The following OPN3 variants were observed in gnomAD, a reference collection of about 807,000 sequenced individuals.
OPN3 encodes opsin 3, also known as opsin-3.
In OPN3, 29 loss-of-function variants were observed where a neutral mutation model predicts 33.8. That is an observed-to-expected ratio of 0.86 (90% CI 0.64 to 1.17). The LOEUF is 1.17. OPN3 is among the 50% of genes most tolerant of loss of function. The pLI, the probability that OPN3 is intolerant of heterozygous loss-of-function variation, is 0.00. For missense variants in OPN3, 437 were observed against 514.1 expected (o/e 0.85, Z 1.45); for synonymous variants, 216 against 216.1 (o/e 1.00, Z 0.00).
At chr1:241,605,681 A>C (rs1203952011) in intron 1 of OPN3, among the ~76,000 whole-genome samples, 1 of 152,208 alleles carries the variant, frequency 6.6e-6, no homozygotes, top group Non-Finnish European at 1.5e-5. Flanking sequence ...CACACAATGG[A>C]TTGGAGACAC....
intron 1 of OPN3, chr1:241,634,841 T>G: frequency 6.2e-7 from 1 of 1,612,324 alleles, no homozygotes; most frequent in South Asian, 1.1e-5. Flanking sequence ...ATCAGGATGT[T>G]GTTCATACTC....
chr1:241,606,179 C>T (rs1167217333), intron 1 of OPN3, among the ~76,000 whole-genome samples: 2 of 152,164 alleles, frequency 1.3e-5, no homozygotes, highest in African/African-American at 4.8e-5. Context: ...AAACATTTAG[C>T]AACTGGTATC....
Position 241,594,218 on chromosome 1 carries a change from C to G in OPN3, c.*210G>C. On this transcript the variant is annotated 3_prime_UTR_variant, in exon 4 of 4. Transcript: ENST00000366554. ...CATCGTGTGCCACAAGTGGTTTTTT[C>G]ATTATGTAAAGCACCCGTTGAATTA... The G allele has an allele frequency of 2.2e-6, 1 of 462,908 alleles. No individual in the cohort carries two copies. The allele number at this position is 462,908 out of a possible 1,614,324, so 28.7% of individuals were successfully genotyped here.
chr1:241,634,265 C>A (rs766680773), intron 1 of OPN3: 8 of 1,613,824 alleles, frequency 5.0e-6, no homozygotes, highest in African/African-American at 1.3e-5. Context: ...GTCCTTCATG[C>A]ATGTCATGGT....
chr1:241,629,194 A>G (rs924222811), intron 1 of OPN3: 1 of 152,260 alleles, frequency 6.6e-6, no homozygotes, highest in African/African-American at 2.4e-5. Context: ...ACTGCTAGAA[A>G]ACTTTGTACA....
At chr1:241,627,538 T>C (rs953880954) in intron 1 of OPN3, among the ~76,000 whole-genome samples, 4 of 152,146 alleles carry the variant, frequency 2.6e-5, no homozygotes, top group African/African-American at 9.7e-5. Context: ...CATAAGAAAA[T>C]GTAGTTGTCA....
At chr1:241,605,113 A>G (rs1663793729) in intron 1 of OPN3, among the ~76,000 whole-genome samples, 1 of 152,058 alleles carries the variant, frequency 6.6e-6, no homozygotes, top group Admixed American at 6.6e-5. Context: ...TTAAAAAAAG[A>G]TTAGACAAAA....
intron 1 of OPN3, among the ~76,000 whole-genome samples, chr1:241,624,211 C>T (rs546978786): frequency 3.3e-5 from 4 of 121,674 alleles, no homozygotes; most frequent in East Asian, 4.6e-4. Context: ...ATGCTCCAGA[C>T]ACTGTGGACC....
chr1:241,618,797 A>G (rs1664200973), intron 1 of OPN3, among the ~76,000 whole-genome samples: 1 of 150,428 alleles, frequency 6.6e-6, no homozygotes, highest in African/African-American at 2.4e-5. Flanking sequence ...ACTTTCATGT[A>G]TATGCCAGGT....
At chr1:241,606,551 A>AAATC (rs1428868538) in intron 1 of OPN3, among the ~76,000 whole-genome samples, 4 of 50,318 alleles carry the variant, frequency 7.9e-5, no homozygotes, top group Non-Finnish European at 1.8e-4. Flanking sequence ...GATTCAAAAT[A>AAATC]AATAAATAAA....
intron 1 of OPN3, among the ~76,000 whole-genome samples, chr1:241,636,296 G>A (rs1018654720): frequency 1.3e-5 from 2 of 152,104 alleles, no homozygotes; most frequent in Admixed American, 6.6e-5. Flanking sequence ...AATAGAGAAT[G>A]AACATAATGT....
intron 1 of OPN3, among the ~76,000 whole-genome samples, chr1:241,609,276 G>A (rs758601191): frequency 2.6e-5 from 4 of 152,180 alleles, no homozygotes; most frequent in African/African-American, 4.8e-5. Flanking sequence ...CATATGATAT[G>A]CACTCTTTTG....
At chr1:241,616,040 C>T in intron 1 of OPN3, 1 of 447,036 alleles carries the variant, frequency 2.2e-6, no homozygotes, top group Non-Finnish European at 4.5e-6. Context: ...CCTGTCATGC[C>T]ATGGGTTGTT....
chr1:241,610,417 A>G (rs564511282), intron 1 of OPN3, among the ~76,000 whole-genome samples: 10 of 152,350 alleles, frequency 6.6e-5, no homozygotes, highest in Non-Finnish European at 1.5e-4. Context: ...GGAAAGCAAC[A>G]TTTGAATTGA....
At chr1:241,625,114 C>T (rs1319349051) in intron 1 of OPN3, among the ~76,000 whole-genome samples, 1 of 152,212 alleles carries the variant, frequency 6.6e-6, no homozygotes, top group African/African-American at 2.4e-5. Context: ...CCCTATGCTT[C>T]ACTTGGCAGT....
chr1:241,601,832 C>A (rs1453781559), intron 2 of OPN3, among the ~76,000 whole-genome samples: 1 of 152,110 alleles, frequency 6.6e-6, no homozygotes, highest in Non-Finnish European at 1.5e-5. Flanking sequence ...GACACATAGT[C>A]AAAGATTACT....
intron 3 of OPN3, among the ~76,000 whole-genome samples, chr1:241,596,554 G>A (rs937875838): frequency 6.6e-6 from 1 of 152,210 alleles, no homozygotes; most frequent in Non-Finnish European, 1.5e-5. Context: ...AAGAGGCAGA[G>A]AGATTTAGCA....
chr1:241,597,221 C>A lies in OPN3; in HGVS notation c.945+525G>T, dbSNP rs535706637. 2.0e-5 allele frequency among the ~76,000 whole-genome samples: 3 copies of A among 152,282 alleles called. No homozygotes were observed. In the South Asian group the frequency reaches 6.2e-4, roughly 32 times the overall value. On this transcript the variant is annotated intron_variant, in intron 3 of 3. Transcript: ENST00000366554. ...GGCCAATTGCTACAAGTATCTATAA[C>A]CCCAAGTGAGGAGTTATAAGCACTG...
At chr1:241,613,096 C>G (rs562513527) in intron 1 of OPN3, among the ~76,000 whole-genome samples, 1 of 152,138 alleles carries the variant, frequency 6.6e-6, no homozygotes, top group Non-Finnish European at 1.5e-5. Context: ...AGCAAGTAAC[C>G]AATTCTTCTT....
Sources: allele counts gnomAD v4.1 joint callset (sites outside exome capture counted in the v4.1 genomes callset), GRCh38; gene constraint gnomAD v4.1.1; transcripts MANE v1.5; gene names NCBI Gene and HGNC (gene_info 2026-07-23, HGNC 2026-07-21).